C8orf34: variants seen among roughly 807,000 people sequenced by gnomAD.
The protein encoded by C8orf34 is uncharacterized protein C8orf34.
In C8orf34, 65 loss-of-function variants were observed where a neutral mutation model predicts 68.3. The observed-to-expected ratio is 0.95, with a 90% CI of 0.78 to 1.17. The LOEUF (loss-of-function observed/expected upper bound fraction) is 1.17. Ranked by LOEUF, C8orf34 falls within the 50% of genes most tolerant of loss-of-function variation. C8orf34 has a pLI of 0.00. For missense variants in C8orf34, 664 were observed against 655.4 expected (o/e 1.01, Z -0.14); for synonymous variants, 244 against 241.2 (o/e 1.01, Z -0.11).
intron 12 of C8orf34, among the ~76,000 whole-genome samples, chr8:68,794,629 G>C (rs956062034): frequency 2.0e-5 from 3 of 149,558 alleles, no homozygotes; most frequent in Non-Finnish European, 4.4e-5. Context: ...TGGGACTACA[G>C]GTTTACACCA....
intron 10 of C8orf34, among the ~76,000 whole-genome samples, chr8:68,751,264 T>G (rs1275518003): frequency 1.3e-5 from 2 of 152,200 alleles, no homozygotes; most frequent in African/African-American, 4.8e-5. Flanking sequence ...TATAAGCTGA[T>G]TTCAAATATT....
chr8:68,351,295 A>T (rs1287002841), intron 1 of C8orf34, among the ~76,000 whole-genome samples: 4 of 151,988 alleles, frequency 2.6e-5, no homozygotes, highest in Admixed American at 6.6e-5. Context: ...CCTCCTATTT[A>T]TTCTGGCTTG....
intron 6 of C8orf34, among the ~76,000 whole-genome samples, chr8:68,528,425 C>A (rs1815105031): frequency 6.6e-6 from 1 of 152,164 alleles, no homozygotes; most frequent in Admixed American, 6.5e-5. Flanking sequence ...TGTTTCTCAC[C>A]CACCTTGTTC....
chr8:68,750,629 A>G (rs1313172023), intron 10 of C8orf34, among the ~76,000 whole-genome samples: 2 of 152,086 alleles, frequency 1.3e-5, no homozygotes, highest in Admixed American at 1.3e-4. Flanking sequence ...ATTTTACCAT[A>G]ATAAAAAAAG....
At chr8:68,427,412 GA>G (rs1429401679) in intron 1 of C8orf34, among the ~76,000 whole-genome samples, 1 of 151,950 alleles carries the variant, frequency 6.6e-6, no homozygotes, top group Non-Finnish European at 1.5e-5. Context: ...AAACCTCAAG[GA>G]AATTATTCTT....
chr8:68,544,660 A>G (rs1815811878), intron 7 of C8orf34, among the ~76,000 whole-genome samples: 1 of 152,232 alleles, frequency 6.6e-6, no homozygotes, highest in Non-Finnish European at 1.5e-5. Flanking sequence ...GGAAAAGAAC[A>G]TAAGGAGTAA....
intron 1 of C8orf34, among the ~76,000 whole-genome samples, chr8:68,389,664 T>C (rs1035265775): frequency 2.6e-5 from 4 of 152,140 alleles, no homozygotes; most frequent in Non-Finnish European, 5.9e-5. Flanking sequence ...GAACTCAGAA[T>C]TTATTAGACA....
At chr8:68,671,410 A>G (rs1167633860) in intron 8 of C8orf34, among the ~76,000 whole-genome samples, 5 of 152,206 alleles carry the variant, frequency 3.3e-5, no homozygotes, top group Non-Finnish European at 7.3e-5. Flanking sequence ...CTGAGACGAG[A>G]AACAGCTGTA....
intron 6 of C8orf34, among the ~76,000 whole-genome samples, chr8:68,529,121 A>G (rs1365127632): frequency 1.3e-5 from 2 of 152,238 alleles, no homozygotes; most frequent in Non-Finnish European, 2.9e-5. Context: ...CCCTGGCCCC[A>G]GCAATTAATT....
chr8:68,810,053 G>A (rs569040289), intron 12 of C8orf34, among the ~76,000 whole-genome samples: 4 of 152,178 alleles, frequency 2.6e-5, no homozygotes, highest in Non-Finnish European at 5.9e-5. Flanking sequence ...TTGGGGTATT[G>A]CTTCACCAGC....
rs1818510338 is a variant in C8orf34 at position 68,625,428 on chromosome 8, A to G, written c.1106-14948A>G. On this transcript the variant is annotated intron_variant, in intron 7 of 13. Transcript: ENST00000518698. ...GTGACAGAATGCTGCATGAGATGTT[A>G]TTAAGGAAGAGCTCACAGAGGCAAC... is the stretch of plus-strand genomic sequence containing the variant. The G allele has an allele frequency of 7.6e-6, 4 of 526,462 alleles. No individual in the cohort carries two copies. The South Asian group carries it at 1.1e-4, about 14-fold the overall frequency. 32.6% of individuals were successfully genotyped at this position (526,462 alleles called of 1,614,324 possible). A position where few individuals can be genotyped will look rare whatever the true frequency, so the allele number is the denominator to read the frequency against.
chr8:68,578,304 T>C (rs1390545324), intron 7 of C8orf34, among the ~76,000 whole-genome samples: 1 of 152,056 alleles, frequency 6.6e-6, no homozygotes, highest in Non-Finnish European at 1.5e-5. Context: ...TAGTTCATAA[T>C]GAGGCTATAA....
chr8:68,426,246 C>G, intron 1 of C8orf34, among the ~76,000 whole-genome samples: 1 of 151,902 alleles, frequency 6.6e-6, no homozygotes, highest in Non-Finnish European at 1.5e-5. Context: ...TGGCCGGGTG[C>G]GTGGCTCACA....
At chr8:68,383,259 C>T (rs1050896200) in intron 1 of C8orf34, among the ~76,000 whole-genome samples, 2 of 152,134 alleles carry the variant, frequency 1.3e-5, no homozygotes, top group African/African-American at 2.4e-5. Context: ...TTCAACTGTA[C>T]GATGTAGAGC....
intron 8 of C8orf34, among the ~76,000 whole-genome samples, chr8:68,643,744 G>GGGTT (rs1262554928): frequency 6.6e-6 from 1 of 152,080 alleles, no homozygotes; most frequent in Non-Finnish European, 1.5e-5. Flanking sequence ...ACCACACAGG[G>GGGTT]GGTTATGTTT....
chr8:68,783,076 AAAAAG>A (rs1270215196), intron 11 of C8orf34, among the ~76,000 whole-genome samples: 90 of 151,648 alleles, frequency 5.9e-4, no homozygotes, highest in African/African-American at 2.1e-3. Flanking sequence ...TCAAAAAAAA[AAAAAG>A]AAAAAAGAAA....
At chr8:68,546,345 G>T (rs760226663) in intron 7 of C8orf34, among the ~76,000 whole-genome samples, 56 of 152,024 alleles carry the variant, frequency 3.7e-4, no homozygotes, top group Non-Finnish European at 4.4e-4. Flanking sequence ...GGCCAGAGAG[G>T]TTCAAAGTAT....
intron 3 of C8orf34, among the ~76,000 whole-genome samples, chr8:68,457,754 C>T (rs945332764): frequency 7.2e-5 from 11 of 152,200 alleles, no homozygotes; most frequent in East Asian, 1.9e-4. Flanking sequence ...GTGAGCTCTG[C>T]GTCAGTGACC....
At chr8:68,445,213 T>C (rs1256607095) in intron 2 of C8orf34, among the ~76,000 whole-genome samples, 1 of 152,134 alleles carries the variant, frequency 6.6e-6, no homozygotes, top group Non-Finnish European at 1.5e-5. Context: ...ACATGAAAGT[T>C]TGAGGAATCC....
Sources: gnomAD v4.1 joint callset for allele counts (sites outside exome capture counted in the v4.1 genomes callset) on GRCh38, gnomAD v4.1.1 for gene constraint, MANE v1.5 for transcripts, NCBI Gene and HGNC (gene_info 2026-07-23, HGNC 2026-07-21) for gene names.